Variants in CLIP4 observed in about 807,000 individuals in gnomAD.
CLIP4 encodes CAP-Gly domain containing linker protein family member 4.
In CLIP4, 47 loss-of-function variants were observed where a neutral mutation model predicts 73.1. The observed-to-expected ratio is 0.64, with a 90% CI of 0.51 to 0.82. The LOEUF (loss-of-function observed/expected upper bound fraction) is 0.82. Among genes scored for constraint, CLIP4 ranks in the 40% least tolerant of loss-of-function variants. The probability of loss-of-function intolerance (pLI) is 0.00; values close to 1 mark genes in which losing one functional copy is unlikely to be tolerated. For synonymous variants in CLIP4, 306 were observed against 295.4 expected, an observed-to-expected ratio of 1.04 and a Z score of -0.37; for missense variants, 874 against 852.9, an observed-to-expected ratio of 1.02 and a Z score of -0.31.
Position 29,174,424 on chromosome 2 carries a change from A to G in CLIP4, c.1775A>G (p.Asn592Ser). Residue 592 changes from asparagine to serine, a missense_variant, in exon 15 of 16, where the codon AAC becomes AGC. By Grantham distance (46) the Asn-to-Ser change is conservative. Coordinates refer to ENST00000320081, the MANE Select transcript of CLIP4 (RefSeq NM_024692.6). ...TTSASSQKEI[N>S]RRNAFSKSKA... ...TCTGCTTCTTCCCAAAAGGAGATTA[A>G]CAGAAGAAATGCTTTTTCCAAGTGA... is the stretch of plus-strand genomic sequence containing the variant. 6.2e-7 allele frequency: 1 copy of G among 1,612,434 alleles called. No homozygotes were observed. The highest frequency in any genetic ancestry group is 1.1e-5 in the South Asian group (1 of 90,740).
rs750017698 is a variant in CLIP4 at position 29,163,816 on chromosome 2, A to G, written c.1535-15A>G. ...AAAGTACAGATGCTTTTGAAATGCA[A>G]TATTCATGTTCTAGGATATTGGTAT... On this transcript the variant is annotated splice_polypyrimidine_tract_variant and intron_variant, in intron 12 of 15. Transcript: ENST00000320081. 17 of 1,607,132 alleles carry G rather than the reference A, an allele frequency of 1.1e-5. No homozygotes were observed. Among genetic ancestry groups the G allele is most frequent in the African/African-American group, 6.7e-5 (5 of 74,616 alleles).
chr2:29,146,244 C>G (rs1442658662), intron 8 of CLIP4, among the ~76,000 whole-genome samples: 2 of 152,096 alleles, frequency 1.3e-5, no homozygotes, highest in African/African-American at 2.4e-5. Flanking sequence ...GGGGCACGCC[C>G]AGCTCTGCAG....
intron 1 of CLIP4, among the ~76,000 whole-genome samples, chr2:29,121,044 T>TA (rs1317210414): frequency 6.6e-6 from 1 of 152,192 alleles, no homozygotes; most frequent in African/African-American, 2.4e-5. Flanking sequence ...CTACAAGGGT[T>TA]AATACGCCCT....
intron 15 of CLIP4, among the ~76,000 whole-genome samples, chr2:29,177,045 T>C (rs554570645): frequency 6.6e-6 from 1 of 152,324 alleles, no homozygotes. Context: ...CCTGACTTTT[T>C]TTTCATGGCA....
intron 8 of CLIP4, 94 bp downstream of exon 8, chr2:29,145,461 T>TATCA: frequency 9.6e-7 from 1 of 1,043,804 alleles, no homozygotes; most frequent in South Asian, 1.9e-5. Context: ...TCTCCTGATT[T>TATCA]CTTATGTGAT....
chr2:29,177,760 T>G (rs1350911590), intron 15 of CLIP4, among the ~76,000 whole-genome samples: 1 of 152,188 alleles, frequency 6.6e-6, no homozygotes, highest in Non-Finnish European at 1.5e-5. Flanking sequence ...GTCTTTATTG[T>G]AGTATTTATA....
chr2:29,172,588 C>T (rs750382630), intron 14 of CLIP4, among the ~76,000 whole-genome samples: 2 of 151,936 alleles, frequency 1.3e-5, no homozygotes, highest in African/African-American at 4.8e-5. Flanking sequence ...TTTGGCATTA[C>T]GGATTTTTCT....
intron 6 of CLIP4, among the ~76,000 whole-genome samples, chr2:29,137,492 C>T (rs1665452589): frequency 6.6e-6 from 1 of 152,048 alleles, no homozygotes; most frequent in African/African-American, 2.4e-5. Context: ...CATATGAGTG[C>T]AGTGTCTTTT....
intron 8 of CLIP4, among the ~76,000 whole-genome samples, chr2:29,148,582 C>T (rs1307773944): frequency 6.6e-6 from 1 of 152,194 alleles, no homozygotes; most frequent in Admixed American, 6.5e-5. Context: ...TTTCTCTGCC[C>T]TCAAATCCTG....
intron 15 of CLIP4, among the ~76,000 whole-genome samples, chr2:29,178,784 A>T (rs1038127554): frequency 5.9e-5 from 9 of 151,936 alleles, no homozygotes; most frequent in Middle Eastern, 6.8e-3. Flanking sequence ...TGTGTGTGTG[A>T]GTGTGTTTTT....
At chr2:29,102,257 A>C (rs1469774848) in intron 1 of CLIP4, among the ~76,000 whole-genome samples, 1 of 152,180 alleles carries the variant, frequency 6.6e-6, no homozygotes, top group East Asian at 1.9e-4. Flanking sequence ...TTATCTCAAC[A>C]GGCGTCTCTA....
upstream of CLIP4, among the ~76,000 whole-genome samples, chr2:29,112,446 A>G (rs1042779616): frequency 6.6e-6 from 1 of 152,234 alleles, no homozygotes; most frequent in East Asian, 1.9e-4. Context: ...AGTTTTTGCA[A>G]GTTGTTGGGT....
intron 1 of CLIP4, among the ~76,000 whole-genome samples, chr2:29,102,261 G>T (rs1041154223): frequency 1.3e-5 from 2 of 152,080 alleles, no homozygotes; most frequent in African/African-American, 2.4e-5. Context: ...CTCAACAGGC[G>T]TCTCTAGATT....
upstream of CLIP4, among the ~76,000 whole-genome samples, chr2:29,110,937 C>T (rs769462088): frequency 3.4e-4 from 52 of 152,302 alleles, no homozygotes; most frequent in Admixed American, 5.2e-4. Flanking sequence ...GATCCTTCCT[C>T]GGCCACTGAA....
intron 12 of CLIP4, among the ~76,000 whole-genome samples, chr2:29,160,798 T>C (rs1667236953): frequency 6.6e-6 from 1 of 152,206 alleles, no homozygotes; most frequent in East Asian, 1.9e-4. Context: ...GGATAATCTT[T>C]AAAATAAGTA....
chr2:29,138,319 G>A (rs1297195536), intron 6 of CLIP4, among the ~76,000 whole-genome samples: 1 of 151,830 alleles, frequency 6.6e-6, no homozygotes, highest in Non-Finnish European at 1.5e-5. Context: ...GGTTGTGTGT[G>A]GCTTTATTTC....
At chr2:29,106,137 T>A (rs937777733) in intron 1 of CLIP4, among the ~76,000 whole-genome samples, 1 of 152,174 alleles carries the variant, frequency 6.6e-6, no homozygotes, top group Admixed American at 6.5e-5. Flanking sequence ...ATTTACTATG[T>A]GATCTTGGAT....
rs1204053020 is a variant in CLIP4 at position 29,115,802 on chromosome 2, G to A, written c.-16+137G>A. 1 of 151,526 alleles carries A rather than the reference G, an allele frequency of 6.6e-6. No homozygotes were observed. Among genetic ancestry groups the A allele is most frequent in the African/African-American group, 2.4e-5 (1 of 41,340 alleles). 9.4% of individuals were successfully genotyped at this position (151,526 alleles called of 1,614,324 possible). On this transcript the variant is annotated intron_variant, in intron 1 of 15. Transcript: ENST00000320081. The surrounding 1 kb of genome is among the most constrained non-coding windows in gnomAD (Gnocchi z 5.1). ...GTCGCGCAGAGGCGCTGGGGGCTGT[G>A]GAAGCCCCGCGGCCGCCTCCCGTGG...
In CLIP4 at chr2:29,135,532, T is replaced by A. The variant is rs199567410; in HGVS notation, c.530-16T>A. 18 of 1,556,448 alleles carry A rather than the reference T, an allele frequency of 1.2e-5. No individual in the cohort carries two copies. The African/African-American group carries it at 2.2e-4, about 19-fold the overall frequency. The stretch of plus-strand genomic sequence containing the variant: ...TTTAAACTTTTAGTTAATATACTTA[T>A]GATGTTTAATTGCAGATGTGGATGC... On this transcript the variant is annotated splice_polypyrimidine_tract_variant and intron_variant, in intron 5 of 15. Transcript: ENST00000320081.
Sources: allele counts gnomAD v4.1 joint callset (sites outside exome capture counted in the v4.1 genomes callset), GRCh38; gene constraint gnomAD v4.1.1; non-coding constraint Gnocchi (gnomAD v3.1); transcripts MANE v1.5; gene names NCBI Gene and HGNC (gene_info 2026-07-23, HGNC 2026-07-21).